The following CSMD1 variants were observed in gnomAD, a reference collection of about 807,000 sequenced individuals.
CSMD1 encodes CUB and Sushi multiple domains 1, also known as CUB and sushi domain-containing protein 1.
Under a neutral mutation model 417.5 loss-of-function variants are expected in CSMD1, and 213 were observed. The observed-to-expected ratio is 0.51, with a 90% CI of 0.46 to 0.57. CSMD1 has a LOEUF of 0.57. CSMD1 is among the 20% of genes least tolerant of loss of function. The probability of loss-of-function intolerance (pLI) is 0.00; values close to 1 mark genes in which losing one functional copy is unlikely to be tolerated. For synonymous variants in CSMD1, 2,862 were observed against 1,736.8 expected (o/e 1.65, Z -16.11); for missense variants, 6,923 against 4,529.7 (o/e 1.53, Z -15.17).
At chr8:3,959,850 T>A (rs2627487) in intron 5 of CSMD1, among the ~76,000 whole-genome samples, 69,528 of 152,058 alleles carry the variant, frequency 0.46, 16,818 homozygotes, top group East Asian at 0.79. Context: ...AGAAAAACTT[T>A]CTATATTGTG....
chr8:4,665,831 C>T (rs184886207), intron 1 of CSMD1, among the ~76,000 whole-genome samples: 1 of 152,142 alleles, frequency 6.6e-6, no homozygotes, highest in Non-Finnish European at 1.5e-5. Flanking sequence ...ATGTAAAAGT[C>T]TTCCTGTAGA....
intron 7 of CSMD1, among the ~76,000 whole-genome samples, chr8:3,678,705 C>A (rs1000755809): frequency 2.0e-5 from 3 of 152,010 alleles, no homozygotes; most frequent in Middle Eastern, 3.2e-3. Flanking sequence ...AGATACTCCT[C>A]GAGAAGAGCA....
chr8:4,754,663 A>T (rs1414493067), intron 1 of CSMD1, among the ~76,000 whole-genome samples: 1 of 151,936 alleles, frequency 6.6e-6, no homozygotes, highest in African/African-American at 2.4e-5. Context: ...AATCCTGGCT[A>T]ACATGGTGAA....
At chr8:4,312,612 C>G (rs1295072146) in intron 3 of CSMD1, among the ~76,000 whole-genome samples, 3 of 147,136 alleles carry the variant, frequency 2.0e-5, no homozygotes, top group Non-Finnish European at 4.4e-5. Flanking sequence ...CACAGTGTCT[C>G]ACGCCTGTAA....
intron 2 of CSMD1, among the ~76,000 whole-genome samples, chr8:4,606,143 A>G (rs1339816464): frequency 6.6e-6 from 1 of 152,146 alleles, no homozygotes; most frequent in Non-Finnish European, 1.5e-5. Context: ...TCACACTAAT[A>G]CTGAGCTTCT....
chr8:3,369,757 C>G (rs997412015), intron 18 of CSMD1, among the ~76,000 whole-genome samples: 1 of 152,156 alleles, frequency 6.6e-6, no homozygotes, highest in Non-Finnish European at 1.5e-5. Flanking sequence ...ACTTCAGACA[C>G]TCATTTTGGA....
Position 3,052,845 on chromosome 8 carries a change from G to A in CSMD1, c.7475-198C>T, listed in dbSNP as rs561779015. Reference sequence around the variant, plus strand: ...CTCCCAGGCTGGAGTGCAATGACTCGATCTCAGCTCACTGCAGCCTCCACC... The same window carrying A: ...CTCCCAGGCTGGAGTGCAATGACTCAATCTCAGCTCACTGCAGCCTCCACC... On this transcript the variant is annotated intron_variant, in intron 49 of 69. Transcript: ENST00000635120. Among the ~76,000 whole-genome samples, 72 of 146,200 alleles carry A rather than the reference G, an allele frequency of 4.9e-4. 1 individual carries two copies. The South Asian group carries it at 0.012, about 24-fold the overall frequency.
intron 3 of CSMD1, among the ~76,000 whole-genome samples, chr8:4,241,510 C>T (rs946973634): frequency 6.6e-6 from 1 of 152,118 alleles, no homozygotes; most frequent in African/African-American, 2.4e-5. Flanking sequence ...TGTCTGTGCC[C>T]CCAGGAGGGC....
At chr8:4,267,524 G>A (rs1182028937) in intron 3 of CSMD1, among the ~76,000 whole-genome samples, 1 of 151,652 alleles carries the variant, frequency 6.6e-6, no homozygotes, top group African/African-American at 2.4e-5. Context: ...ATTGATCCCA[G>A]CTACACTGCA....
chr8:3,290,970 A>G (rs539358943), intron 25 of CSMD1, among the ~76,000 whole-genome samples: 1 of 152,124 alleles, frequency 6.6e-6, no homozygotes, highest in East Asian at 1.9e-4. Context: ...TTTGTCATAG[A>G]TAGCTCTTAT....
At chr8:4,512,748 T>A (rs11786720) in intron 2 of CSMD1, among the ~76,000 whole-genome samples, 2 of 151,428 alleles carry the variant, frequency 1.3e-5, no homozygotes, top group South Asian at 4.2e-4. Context: ...ACAAAATGTA[T>A]ATGAAGAACT....
chr8:4,004,197 T>C (rs1463945047), intron 4 of CSMD1, among the ~76,000 whole-genome samples: 1 of 152,078 alleles, frequency 6.6e-6, no homozygotes, highest in African/African-American at 2.4e-5. Flanking sequence ...AATATAATTG[T>C]TATGAGGGAT....
chr8:3,874,329 T>C lies in CSMD1; in HGVS notation c.819-120287A>G, dbSNP rs367686757. ...GGAAATACAGGCTGCGTAACTCTTA[T>C]CTAAAGTGAGGTTTTGAAAAATTGT... On this transcript the variant is annotated intron_variant, in intron 5 of 69. Coordinates refer to ENST00000635120, the MANE Select transcript of CSMD1 (RefSeq NM_033225.6). 1.4e-4 allele frequency among the ~76,000 whole-genome samples: 21 copies of C among 152,306 alleles called. No homozygotes were observed. In the East Asian group the frequency reaches 2.1e-3, roughly 15 times the overall value.
chr8:3,970,752 G>C (rs1563267986), intron 5 of CSMD1, among the ~76,000 whole-genome samples: 1 of 151,846 alleles, frequency 6.6e-6, no homozygotes, highest in Non-Finnish European at 1.5e-5. Context: ...CTTGTTTTTT[G>C]TTTTTTTGTT....
chr8:2,998,797 T>G (rs974405544), intron 53 of CSMD1, among the ~76,000 whole-genome samples: 4 of 152,212 alleles, frequency 2.6e-5, no homozygotes, highest in African/African-American at 7.2e-5. Flanking sequence ...GGGAGAGATA[T>G]CCATCATTCA....
At chr8:3,257,219 G>A (rs1161486702) in intron 26 of CSMD1, among the ~76,000 whole-genome samples, 1 of 152,180 alleles carries the variant, frequency 6.6e-6, no homozygotes. Context: ...AGCTACTCAG[G>A]AGGCTGAGGC....
chr8:4,108,821 A>T (rs1287281145), intron 3 of CSMD1, among the ~76,000 whole-genome samples: 1 of 152,242 alleles, frequency 6.6e-6, no homozygotes, highest in Non-Finnish European at 1.5e-5. Context: ...CATGGCAAAG[A>T]CCAGCAGAGT....
rs955209598 is a variant in CSMD1, at chr8:3,625,512, C to G, written c.1010-8715G>C. Among the ~76,000 whole-genome samples the G allele has an allele frequency of 5.3e-5, 8 of 152,048 alleles. No homozygotes were observed. In the East Asian group the frequency reaches 1.5e-3, roughly 29 times the overall value. ...CACCTATTATCATAATTCATATGCC[C>G]CAATTTTACCCATGTTCTCTGGTCT... is the stretch of plus-strand genomic sequence containing the variant. On this transcript the variant is annotated intron_variant, in intron 7 of 69. Transcript: ENST00000635120.
chr8:3,307,819 C>T lies in CSMD1; in HGVS notation c.3826G>A (p.Glu1276Lys), dbSNP rs534926586. The T allele has an allele frequency of 1.2e-5, 20 of 1,611,860 alleles. No individual in the cohort carries two copies. In the East Asian group the frequency reaches 3.1e-4, roughly 25 times the overall value. The change falls in exon 25 of 70, where the codon GAA becomes AAA. Residue 1276 changes from glutamate (E) to lysine (K), a missense_variant and splice_region_variant. Glu to Lys is a moderately conservative substitution (Grantham distance 56, BLOSUM62 1). Coordinates refer to ENST00000635120, the MANE Select transcript of CSMD1 (RefSeq NM_033225.6). Reference sequence around the variant, plus strand: ...GCTGCATGGATCTGACCACCACATTCCGCTGTAGAAGACACAGAGAGATGG... The same window carrying T: ...GCTGCATGGATCTGACCACCACATTTCGCTGTAGAAGACACAGAGAGATGG... ...WDKPLPSCIA[E>K]CGGQIHAATS...
Sources: gnomAD v4.1 joint callset for allele counts (sites outside exome capture counted in the v4.1 genomes callset) on GRCh38, gnomAD v4.1.1 for gene constraint, MANE v1.5 for transcripts, NCBI Gene and HGNC (gene_info 2026-07-23, HGNC 2026-07-21) for gene names.